Variants in MARCHF1 observed in about 807,000 individuals in gnomAD.
MARCHF1 encodes the protein E3 ubiquitin-protein ligase MARCHF1.
MARCHF1 carries 40 observed loss-of-function variants against 54.2 expected under a neutral mutation model. The observed-to-expected ratio is 0.74, with a 90% CI of 0.57 to 0.96. The LOEUF is 0.96. Ranked by LOEUF, MARCHF1 falls within the 40% of genes least tolerant of loss-of-function variation. The probability of loss-of-function intolerance (pLI) is 0.00; values close to 1 mark genes in which losing one functional copy is unlikely to be tolerated. For synonymous variants in MARCHF1, 236 were observed against 236.3 expected, an observed-to-expected ratio of 1.00 and a Z score of 0.01; for missense variants, 586 against 656.5, an observed-to-expected ratio of 0.89 and a Z score of 1.17.
At chr4:164,348,479 A>C (rs1730177881) in intron 1 of MARCHF1, among the ~76,000 whole-genome samples, 1 of 152,150 alleles carries the variant, frequency 6.6e-6, no homozygotes, top group African/African-American at 2.4e-5. Flanking sequence ...AAAGACATAG[A>C]TATGACGTAG....
intron 1 of MARCHF1, among the ~76,000 whole-genome samples, chr4:164,326,489 T>C (rs976084055): frequency 2.0e-5 from 3 of 152,216 alleles, no homozygotes; most frequent in African/African-American, 4.8e-5. Flanking sequence ...ACTCTAAAGA[T>C]AGTTGCTAGC....
intron 4 of MARCHF1, among the ~76,000 whole-genome samples, chr4:163,721,843 G>C (rs986760267): frequency 2.6e-5 from 4 of 152,016 alleles, no homozygotes; most frequent in African/African-American, 9.7e-5. Context: ...TTCTCTGACG[G>C]GAATTTGTAT....
rs900519417 is a variant in MARCHF1 at position 163,983,940 on chromosome 4, T to G, written c.-39+4561A>C. On this transcript the variant is annotated intron_variant, in intron 3 of 9. Transcript: ENST00000514618. ...ATATGTTTTTTTAACTTTTTAATTT[T>G]TTTACTAAAAATTTTTACTAAAAAT... 4.2e-5 allele frequency among the ~76,000 whole-genome samples: 6 copies of G among 142,198 alleles called. No homozygotes were observed. In the Admixed American group the frequency reaches 4.6e-4, roughly 11 times the overall value. 93.3% of individuals were successfully genotyped at this position (142,198 alleles called of 152,430 possible).
chr4:163,952,799 A>G (rs1247388683), intron 3 of MARCHF1, among the ~76,000 whole-genome samples: 1 of 152,220 alleles, frequency 6.6e-6, no homozygotes, highest in Non-Finnish European at 1.5e-5. Flanking sequence ...TTACATGACA[A>G]TCAACAAAGA....
intron 4 of MARCHF1, among the ~76,000 whole-genome samples, chr4:163,713,828 A>T: frequency 6.6e-6 from 1 of 152,192 alleles, no homozygotes; most frequent in East Asian, 1.9e-4. Context: ...TGTATGATAC[A>T]ACCAAAGCCT....
chr4:164,137,365 A>G (rs1250397060), intron 1 of MARCHF1, among the ~76,000 whole-genome samples: 1 of 152,326 alleles, frequency 6.6e-6, no homozygotes, highest in South Asian at 2.1e-4. Context: ...AATAATTATG[A>G]TAATATATTT....
chr4:163,664,667 T>G (rs1743468460), intron 5 of MARCHF1, among the ~76,000 whole-genome samples: 1 of 152,064 alleles, frequency 6.6e-6, no homozygotes, highest in Admixed American at 6.6e-5. Context: ...ATTTATCTAG[T>G]GGACACATTA....
At position 163,526,192 on chromosome 4, in the gene MARCHF1, T is replaced by C. The variant is rs1738098200; in HGVS notation, c.*2556A>G. ...TTAATAGAATAATGCTTACCTTTGCTTTTTATTCTAGAAATGTTTTCTTAG... is the reference window on the plus strand; with the variant it reads ...TTAATAGAATAATGCTTACCTTTGCCTTTTATTCTAGAAATGTTTTCTTAG... On this transcript the variant is annotated 3_prime_UTR_variant, in exon 10 of 10. Coordinates refer to ENST00000514618, the MANE Select transcript of MARCHF1 (RefSeq NM_001394959.1). The C allele has an allele frequency of 6.6e-6, 1 of 152,168 alleles. No individual in the cohort carries two copies. The highest frequency in any genetic ancestry group is 2.4e-5 in the African/African-American group (1 of 41,462). 9.4% of individuals were successfully genotyped at this position (152,168 alleles called of 1,614,324 possible).
At position 164,369,527 on chromosome 4, in the gene MARCHF1, A is replaced by G. The variant is rs1730974881; in HGVS notation, c.-323+14343T>C. Among the ~76,000 whole-genome samples the G allele has an allele frequency of 1.3e-5, 2 of 152,094 alleles. 1 individual carries two copies. The highest frequency in any genetic ancestry group is 4.1e-4 in the South Asian group (2 of 4,830). ...GTAATAACTGCCAACTGCATGCTGT[A>G]TTGCCTTTATCAAGTTGTTATAATC... On this transcript the variant is annotated intron_variant, in intron 1 of 9. Transcript: ENST00000514618.
chr4:163,884,743 A>T (rs1750492107), intron 3 of MARCHF1, among the ~76,000 whole-genome samples: 1 of 152,196 alleles, frequency 6.6e-6, no homozygotes, highest in Non-Finnish European at 1.5e-5. Flanking sequence ...AGCTTAAATA[A>T]CAAGGAAATA....
intron 5 of MARCHF1, among the ~76,000 whole-genome samples, chr4:163,655,820 G>A (rs537388907): frequency 6.6e-6 from 1 of 151,988 alleles, no homozygotes; most frequent in Non-Finnish European, 1.5e-5. Flanking sequence ...AGTAAATAAT[G>A]AAATTAAGGC....
At chr4:164,191,039 T>G (rs531611812) in intron 1 of MARCHF1, among the ~76,000 whole-genome samples, 1 of 152,198 alleles carries the variant, frequency 6.6e-6, no homozygotes, top group Non-Finnish European at 1.5e-5. Context: ...TCAGGATAGA[T>G]CCACAGAATT....
At chr4:163,672,955 T>G (rs1743786371) in intron 5 of MARCHF1, among the ~76,000 whole-genome samples, 1 of 152,192 alleles carries the variant, frequency 6.6e-6, no homozygotes, top group South Asian at 2.1e-4. Context: ...ACTCTTGTCA[T>G]TACATTGTCC....
At chr4:163,579,122 A>G (rs1740133816) in intron 8 of MARCHF1, among the ~76,000 whole-genome samples, 1 of 152,196 alleles carries the variant, frequency 6.6e-6, no homozygotes, top group Non-Finnish European at 1.5e-5. Flanking sequence ...CTAGTATTTT[A>G]TTTAAAGGCA....
At chr4:164,269,912 C>G (rs1375537785) in intron 1 of MARCHF1, among the ~76,000 whole-genome samples, 2 of 152,138 alleles carry the variant, frequency 1.3e-5, no homozygotes, top group African/African-American at 4.8e-5. Context: ...ACAGTAGCCT[C>G]CTAAATGTTC....
intron 1 of MARCHF1, among the ~76,000 whole-genome samples, chr4:164,347,932 A>G (rs1229024643): frequency 6.6e-6 from 1 of 152,204 alleles, no homozygotes; most frequent in African/African-American, 2.4e-5. Flanking sequence ...TATAGCATTT[A>G]AGAAGTGTAT....
At chr4:164,163,167 C>G (rs2110948637) in intron 1 of MARCHF1, among the ~76,000 whole-genome samples, 1 of 151,782 alleles carries the variant, frequency 6.6e-6, no homozygotes, top group African/African-American at 2.4e-5. Context: ...CTAGAAGATC[C>G]TAAATACAGG....
chr4:164,062,766 C>T (rs1325853950), intron 2 of MARCHF1, among the ~76,000 whole-genome samples: 4 of 152,140 alleles, frequency 2.6e-5, no homozygotes, highest in Non-Finnish European at 5.9e-5. Context: ...TCAGGTGATC[C>T]GCCCGCCTCG....
chr4:164,371,706 A>C (rs1256981357), intron 1 of MARCHF1, among the ~76,000 whole-genome samples: 3 of 152,182 alleles, frequency 2.0e-5, no homozygotes, highest in African/African-American at 7.2e-5. Context: ...AAAACCAAAA[A>C]GTTTGATAAT....
Sources: allele counts gnomAD v4.1 joint callset (sites outside exome capture counted in the v4.1 genomes callset), GRCh38; gene constraint gnomAD v4.1.1; transcripts MANE v1.5; gene names NCBI Gene and HGNC (gene_info 2026-07-23, HGNC 2026-07-21).